Variants in PPRC1 observed in about 807,000 individuals in gnomAD.
PPRC1 encodes PPARG related coactivator 1.
In PPRC1, 23 loss-of-function variants were observed where a neutral mutation model predicts 132.5. The ratio of observed to expected loss-of-function variants is 0.17; its 90% CI spans 0.12 to 0.25. The LOEUF is 0.25. Among genes scored for constraint, PPRC1 ranks in the 10% least tolerant of loss-of-function variants. The probability of loss-of-function intolerance (pLI) is 1.00; values close to 1 mark genes in which losing one functional copy is unlikely to be tolerated. For synonymous variants in PPRC1, 872 were observed against 833.5 expected, an observed-to-expected ratio of 1.05 and a Z score of -0.80; for missense variants, 2,006 against 2,089.1, an observed-to-expected ratio of 0.96 and a Z score of 0.78.
At chr10:102,146,569 C>T in intron 8 of PPRC1, 103 bp from the exon 9 acceptor site, 2 of 1,451,864 alleles carry the variant, frequency 1.4e-6, no homozygotes, top group Non-Finnish European at 1.8e-6. Context: ...GCTTGGTGTA[C>T]TTTGTGAGAT....
rs748182251 is a variant in PPRC1 at position 102,140,357 on chromosome 10, A to T, written c.1849A>T (p.Thr617Ser). The change falls in exon 5 of 14, where the codon ACC becomes TCC. Residue 617 changes from threonine to serine, a missense_variant. Thr to Ser is a moderately conservative substitution (Grantham distance 58, BLOSUM62 1). This residue lies in a region of PPRC1 where 1,914 missense variants were observed against 1,917.2 expected (regional missense o/e 1.00). Coordinates refer to ENST00000278070, the MANE Select transcript of PPRC1 (RefSeq NM_015062.5). ...VDPGLVDLAS[T>S]SSELVEPLPA... ...CCCTGGGTTGGTTGACCTTGCTTCA[A>T]CCAGCTCAGAACTGGTTGAGCCTCT... 2.5e-6 allele frequency: 4 copies of T among 1,614,084 alleles called. No individual in the cohort carries two copies. Among genetic ancestry groups the T allele is most frequent in the Non-Finnish European group, 3.4e-6 (4 of 1,180,012 alleles).
chr10:102,124,511 G>A, the PPRC1 span, among the ~76,000 whole-genome samples: 5 of 148,926 alleles, frequency 3.4e-5, no homozygotes, highest in East Asian at 2.0e-4. Context: ...TTACAGGCGC[G>A]CACCACCACA....
the PPRC1 span, among the ~76,000 whole-genome samples, chr10:102,127,019 T>TTATATA: frequency 7.6e-5 from 6 of 78,884 alleles, no homozygotes; most frequent in African/African-American, 2.9e-4. Context: ...TGGTTTTTTA[T>TTATATA]CATATATATA....
At chr10:102,120,421 C>G in the PPRC1 span, 1 of 982,058 alleles carries the variant, frequency 1.0e-6, no homozygotes, top group Non-Finnish European at 1.2e-6. Flanking sequence ...GCGCTCCCGC[C>G]GCCGTCGCCG....
intron 1 of PPRC1, among the ~76,000 whole-genome samples, chr10:102,134,457 G>T (rs1030863903): frequency 6.6e-6 from 1 of 152,186 alleles, no homozygotes; most frequent in Non-Finnish European, 1.5e-5. Context: ...TTTCCACCCA[G>T]GGTAGAAGGG....
At chr10:102,136,606 C>T (rs988612609) in intron 1 of PPRC1, among the ~76,000 whole-genome samples, 1 of 152,096 alleles carries the variant, frequency 6.6e-6, no homozygotes, top group African/African-American at 2.4e-5. Context: ...TTGTTTTAAT[C>T]TATTTTATTA....
chr10:102,137,933 A>G lies in PPRC1; in HGVS notation c.237A>G (p.Glu79=), dbSNP rs2068787572. 1 of 1,614,084 alleles carries G rather than the reference A, an allele frequency of 6.2e-7. No homozygotes were observed. Among genetic ancestry groups the G allele is most frequent in the African/African-American group, 1.3e-5 (1 of 75,012 alleles). The change falls in exon 2 of 14, where the codon GAA becomes GAG. Residue 79 remains glutamate (E), a synonymous_variant. Coordinates refer to ENST00000278070, the MANE Select transcript of PPRC1 (RefSeq NM_015062.5). ...CATCTCTGAGGGACAAGGACCTGGA[A>G]ATGGAGGAGCTAATGCTGCAGGATG... ...LGPSLRDKDL[E]MEELMLQDET... is the part of the protein sequence containing the mutation.
At position 102,148,713 on chromosome 10, in the gene PPRC1, C is replaced by G. The variant is rs1451893711; in HGVS notation, c.4617+19C>G. ...TGCAATAGTGAGTAGAGGAACAGAT[C>G]ATGGGAGGATGGGGCTTACCCCCTG... On this transcript the variant is annotated intron_variant, in intron 11 of 13. Transcript: ENST00000278070. The surrounding 1 kb of genome is among the most constrained non-coding windows in gnomAD (Gnocchi z 4.2). 6.2e-7 allele frequency: 1 copy of G among 1,614,054 alleles called. No homozygotes were observed. The highest frequency in any genetic ancestry group is 2.2e-5 in the East Asian group (1 of 44,886).
In PPRC1 at chr10:102,147,446, T is replaced by C. The variant is rs2069313990; in HGVS notation, c.4400+54T>C. 1.1e-5 allele frequency: 17 copies of C among 1,522,976 alleles called. No homozygotes were observed. The South Asian group carries it at 2.0e-4, about 18-fold the overall frequency. The allele number at this position is 1,522,976 out of a possible 1,614,324, so 94.3% of individuals were successfully genotyped here. A position where few individuals can be genotyped will look rare whatever the true frequency, so the allele number is the denominator to read the frequency against. ...TCCATTTAGGAAGTTCACGTACTTC[T>C]GTGGTTTACTTTGAAAGCTTTTACC... On this transcript the variant is annotated intron_variant, in intron 9 of 13. Transcript: ENST00000278070.
At chr10:102,120,398 T>G in the PPRC1 span, 1 of 983,458 alleles carries the variant, frequency 1.0e-6, no homozygotes, top group Non-Finnish European at 1.2e-6. Flanking sequence ...CGCGTGTGCG[T>G]GTGCGTGTCT....
chr10:102,126,122 A>G, the PPRC1 span, among the ~76,000 whole-genome samples: 1 of 152,126 alleles, frequency 6.6e-6, no homozygotes, highest in African/African-American at 2.4e-5. Context: ...TTGGCCTCCC[A>G]AAGTGCTGGG....
chr10:102,150,260 C>A lies in PPRC1; in HGVS notation c.*231C>A. On this transcript the variant is annotated 3_prime_UTR_variant, in exon 14 of 14. Transcript: ENST00000278070. Reference sequence around the variant, plus strand: ...GCATTCCTATGTAAGATAGGAGGGGCTGAGGGGATCCCCAGTGTTTGGAAC... The same window carrying A: ...GCATTCCTATGTAAGATAGGAGGGGATGAGGGGATCCCCAGTGTTTGGAAC... 2.3e-6 allele frequency: 1 copy of A among 434,188 alleles called. No homozygotes were observed. The highest frequency in any genetic ancestry group is 2.5e-5 in the South Asian group (1 of 40,590). The allele number at this position is 434,188 out of a possible 1,614,324, so 26.9% of individuals were successfully genotyped here.
At chr10:102,142,848 G>C in intron 5 of PPRC1, 197 bp from the exon 6 acceptor site, 2 of 469,314 alleles carry the variant, frequency 4.3e-6, no homozygotes, top group Non-Finnish European at 3.8e-6. Flanking sequence ...CACCGTGCCT[G>C]GCTGTGGAGG....
At chr10:102,137,707 T>C in intron 1 of PPRC1, 143 bp from the exon 2 acceptor site, 1 of 724,508 alleles carries the variant, frequency 1.4e-6, no homozygotes, top group South Asian at 2.4e-5. Flanking sequence ...TGTGCTTCTC[T>C]CTGCTCTGCT....
At chr10:102,143,428 G>C (rs61874821) in intron 6 of PPRC1, among the ~76,000 whole-genome samples, 1 of 151,790 alleles carries the variant, frequency 6.6e-6, no homozygotes, top group Non-Finnish European at 1.5e-5. Context: ...GTGAAACCCC[G>C]TATCTACTAA....
the PPRC1 span, among the ~76,000 whole-genome samples, chr10:102,122,062 C>T: frequency 6.6e-6 from 1 of 152,110 alleles, no homozygotes; most frequent in African/African-American, 2.4e-5. Flanking sequence ...AGCTTGTACA[C>T]TGTGGAGTCT....
At position 102,141,847 on chromosome 10, in the gene PPRC1, C is replaced by T. The variant is rs765223649; in HGVS notation, c.3339C>T (p.Pro1113=). 23 of 1,613,970 alleles carry T rather than the reference C, an allele frequency of 1.4e-5. No individual in the cohort carries two copies. Among genetic ancestry groups the T allele is most frequent in the Middle Eastern group, 1.6e-4 (1 of 6,082 alleles). The part of the protein sequence containing the change: ...ETQETRPREK[P]PLPATKAVPT... The stretch of plus-strand genomic sequence containing the variant: ...AAGAGACCAGGCCCAGGGAGAAGCC[C>T]CCCTTGCCTGCTACCAAGGCTGTTC... The change falls in exon 5 of 14, where the codon CCC becomes CCT. Residue 1113 remains proline, a synonymous_variant. Coordinates refer to ENST00000278070, the MANE Select transcript of PPRC1 (RefSeq NM_015062.5).
At chr10:102,133,314 G>T in intron 1 of PPRC1, 93 bp downstream of exon 1, 2 of 1,110,108 alleles carry the variant, frequency 1.8e-6, no homozygotes. Flanking sequence ...GGAAGCGCCT[G>T]AGAGTCGATG....
chr10:102,139,045 T>C (rs2068835723), intron 4 of PPRC1, 55 bp from the exon 5 acceptor site: 10 of 1,603,288 alleles, frequency 6.2e-6, no homozygotes, highest in Non-Finnish European at 7.7e-6. Context: ...GGGACAGGTC[T>C]GGAAAATACT....
Sources: gnomAD v4.1 joint callset for allele counts (sites outside exome capture counted in the v4.1 genomes callset) on GRCh38, gnomAD v4.1.1 for gene constraint, gnomAD v4.1.1 regional missense constraint, Gnocchi (gnomAD v3.1) non-coding constraint, MANE v1.5 for transcripts, NCBI Gene and HGNC (gene_info 2026-07-23, HGNC 2026-07-21) for gene names.